GFRA1: variants seen among roughly 807,000 people sequenced by gnomAD.
GFRA1 encodes GDNF family receptor alpha 1.
Under a neutral mutation model 51.6 loss-of-function variants are expected in GFRA1, and 16 were observed. The observed-to-expected ratio is 0.31, with a 90% CI of 0.21 to 0.47. The LOEUF (loss-of-function observed/expected upper bound fraction) is 0.47, where lower values mean the gene tolerates loss of function less well. GFRA1 is among the 20% of genes least tolerant of loss of function. The probability of loss-of-function intolerance (pLI) is 1.00; values close to 1 mark genes in which losing one functional copy is unlikely to be tolerated. For missense variants in GFRA1, 530 were observed against 594.3 expected, an observed-to-expected ratio of 0.89 and a Z score of 1.13; for synonymous variants, 270 against 241.3, an observed-to-expected ratio of 1.12 and a Z score of -1.10.
chr10:116,147,903 C>CT (rs71475173), intron 5 of GFRA1, among the ~76,000 whole-genome samples: 20,114 of 151,454 alleles, frequency 0.13, 1,627 homozygotes, highest in East Asian at 0.2. Flanking sequence ...CCGCAGGTGG[C>CT]TTTTTTTTGG....
chr10:116,195,834 A>T (rs1158367932), intron 5 of GFRA1, among the ~76,000 whole-genome samples: 1 of 152,186 alleles, frequency 6.6e-6, no homozygotes, highest in East Asian at 1.9e-4. Flanking sequence ...TAAGAACAGA[A>T]AATCTGAGTT....
intron 5 of GFRA1, among the ~76,000 whole-genome samples, chr10:116,161,133 C>T (rs751477510): frequency 6.6e-6 from 1 of 152,120 alleles, no homozygotes; most frequent in Non-Finnish European, 1.5e-5. Context: ...TGGTGCTGGG[C>T]TTCATCTTTG....
chr10:116,150,451 G>C (rs147044932), intron 5 of GFRA1, among the ~76,000 whole-genome samples: 4 of 152,254 alleles, frequency 2.6e-5, no homozygotes, highest in Non-Finnish European at 1.5e-5. Context: ...AAATGCTTCT[G>C]AGGGGTCTCA....
At chr10:116,173,485 A>G (rs1409143381) in intron 5 of GFRA1, among the ~76,000 whole-genome samples, 1 of 152,186 alleles carries the variant, frequency 6.6e-6, no homozygotes, top group Non-Finnish European at 1.5e-5. Flanking sequence ...TTTCTCCTAC[A>G]CAACATTGCC....
intron 4 of GFRA1, among the ~76,000 whole-genome samples, chr10:116,260,242 G>A (rs540542159): frequency 1.3e-5 from 2 of 152,250 alleles, no homozygotes; most frequent in African/African-American, 2.4e-5. Context: ...TGTCACACTC[G>A]CACACACAGC....
At chr10:116,216,033 G>T (rs924261956) in intron 4 of GFRA1, among the ~76,000 whole-genome samples, 2 of 152,102 alleles carry the variant, frequency 1.3e-5, no homozygotes, top group African/African-American at 2.4e-5. Flanking sequence ...CTTCAGTTAG[G>T]AATGAGCATC....
At chr10:116,139,862 G>A (rs1958490430) in intron 5 of GFRA1, among the ~76,000 whole-genome samples, 1 of 152,234 alleles carries the variant, frequency 6.6e-6, no homozygotes, top group Non-Finnish European at 1.5e-5. Context: ...CTCTATTGCA[G>A]GAGGTCCCAT....
Position 116,085,429 on chromosome 10 carries a change from A to G in GFRA1, c.1197+4312T>C, listed in dbSNP as rs2420230. Among the ~76,000 whole-genome samples the G allele has an allele frequency of 1.1e-3, 161 of 152,292 alleles. 1 individual carries two copies. The highest frequency in any genetic ancestry group is 0.01 in the Middle Eastern group (3 of 294). On this transcript the variant is annotated intron_variant, in intron 9 of 10. Coordinates refer to ENST00000355422, the MANE Select transcript of GFRA1 (RefSeq NM_005264.8). ...TTGACTTTCTCTGAATCTGTTACCA[A>G]TGGATCCCAAGCTGGTTAAAGTCAG...
At position 116,058,056 on chromosome 10, in the gene GFRA1, C is replaced by T. The variant is rs918627206; in HGVS notation, c.*6342G>A. The T allele has an allele frequency of 7.3e-5, 9 of 123,092 alleles. No individual in the cohort carries two copies. The highest frequency in any genetic ancestry group is 5.4e-4 in the South Asian group (2 of 3,710). The allele number at this position is 123,092 out of a possible 1,614,324, so 7.6% of individuals were successfully genotyped here. The stretch of plus-strand genomic sequence containing the variant: ...TGTGTGTGTGTGACAGAGAGAACCA[C>T]GCTTTATTGGCGGAGCCTTATGTGC... On this transcript the variant is annotated 3_prime_UTR_variant, in exon 11 of 11. Transcript: ENST00000355422.
At position 116,063,974 on chromosome 10, in the gene GFRA1, G is replaced by A. The variant is rs1421066683; in HGVS notation, c.*424C>T. ...AATCAATGTCATTAAAGGAGATATG[G>A]GAGTTACCTTAGAAATATTAACTCC... is the stretch of plus-strand genomic sequence containing the variant. On this transcript the variant is annotated 3_prime_UTR_variant, in exon 11 of 11. Transcript: ENST00000355422. The A allele has an allele frequency of 5.6e-6, 1 of 179,050 alleles. No homozygotes were observed. The highest frequency in any genetic ancestry group is 2.4e-5 in the African/African-American group (1 of 41,016). 11.1% of individuals were successfully genotyped at this position (179,050 alleles called of 1,614,324 possible). A position where few individuals can be genotyped will look rare whatever the true frequency, so the allele number is the denominator to read the frequency against.
At chr10:116,261,399 C>T (rs1159002619) in intron 4 of GFRA1, among the ~76,000 whole-genome samples, 3 of 152,146 alleles carry the variant, frequency 2.0e-5, no homozygotes, top group African/African-American at 7.2e-5. Context: ...TTTATCCCTT[C>T]GTGAAACAAA....
chr10:116,096,995 C>A (rs905116744), intron 6 of GFRA1, among the ~76,000 whole-genome samples: 1 of 152,146 alleles, frequency 6.6e-6, no homozygotes, highest in African/African-American at 2.4e-5. Context: ...CCCTCGCCCA[C>A]CTGTGTGTCT....
chr10:116,200,677 T>G (rs1270900864), intron 5 of GFRA1, among the ~76,000 whole-genome samples: 1 of 152,252 alleles, frequency 6.6e-6, no homozygotes, highest in Non-Finnish European at 1.5e-5. Context: ...TTTCTTCCTG[T>G]GTCCTCACAT....
At chr10:116,250,827 C>T (rs1415698856) in intron 4 of GFRA1, among the ~76,000 whole-genome samples, 1 of 152,202 alleles carries the variant, frequency 6.6e-6, no homozygotes, top group Non-Finnish European at 1.5e-5. Flanking sequence ...TTGCTAGCCC[C>T]CTGCACAGGG....
intron 5 of GFRA1, among the ~76,000 whole-genome samples, chr10:116,205,345 A>AGGTG (rs1420181813): frequency 6.6e-6 from 1 of 152,160 alleles, no homozygotes; most frequent in Non-Finnish European, 1.5e-5. Context: ...TAGGAGGCCA[A>AGGTG]GGTGGGTGGA....
chr10:116,065,683 T>TG, intron 9 of GFRA1, 57 bp from the exon 10 acceptor site: 7 of 1,375,818 alleles, frequency 5.1e-6, no homozygotes, highest in South Asian at 1.2e-5. Context: ...TAATTACTGA[T>TG]GATCCATCAG....
rs1235134257 is a variant in GFRA1, at chr10:116,056,973, A to T, written c.*7425T>A. The stretch of plus-strand genomic sequence containing the variant: ...GTTTATTAGGATATTCTGGGGTGAG[A>T]GGATGGCCAAAGGGACTATGTACAT... On this transcript the variant is annotated 3_prime_UTR_variant, in exon 11 of 11. Transcript: ENST00000355422. The T allele has an allele frequency of 6.6e-6, 1 of 152,244 alleles. No homozygotes were observed. The highest frequency in any genetic ancestry group is 2.4e-5 in the African/African-American group (1 of 41,462). The allele number at this position is 152,244 out of a possible 1,614,324, so 9.4% of individuals were successfully genotyped here.
At chr10:116,260,067 T>C (rs892668469) in intron 4 of GFRA1, among the ~76,000 whole-genome samples, 1 of 152,210 alleles carries the variant, frequency 6.6e-6, no homozygotes, top group Non-Finnish European at 1.5e-5. Context: ...TAGGCAGAGT[T>C]CCAAAGGGAA....
chr10:116,238,575 T>C (rs987559855), intron 4 of GFRA1, among the ~76,000 whole-genome samples: 2 of 152,242 alleles, frequency 1.3e-5, no homozygotes, highest in African/African-American at 4.8e-5. Flanking sequence ...TTTCCTCTGA[T>C]GTTTTGCTGT....
Sources: gnomAD v4.1 joint callset for allele counts (sites outside exome capture counted in the v4.1 genomes callset) on GRCh38, gnomAD v4.1.1 for gene constraint, MANE v1.5 for transcripts, NCBI Gene and HGNC (gene_info 2026-07-23, HGNC 2026-07-21) for gene names.